LIN28B: variants seen among roughly 807,000 people sequenced by gnomAD.
The protein encoded by LIN28B is lin-28 RNA binding posttranscriptional regulator B.
A neutral mutation model predicts 21.9 loss-of-function variants in LIN28B; 5 were observed. The ratio of observed to expected loss-of-function variants is 0.23; its 90% CI spans 0.12 to 0.48. The LOEUF (loss-of-function observed/expected upper bound fraction) is 0.48. Among genes scored for constraint, LIN28B ranks in the 20% least tolerant of loss-of-function variants. The pLI, the probability that LIN28B is intolerant of heterozygous loss-of-function variation, is 0.98. For synonymous variants in LIN28B, 109 were observed against 111.3 expected, an observed-to-expected ratio of 0.98 and a Z score of 0.13; for missense variants, 245 against 310.5, an observed-to-expected ratio of 0.79 and a Z score of 1.58.
In LIN28B at chr6:104,950,409, G is replaced by A. The variant is rs1778207539; in HGVS notation, c.19-52G>A. The A allele has an allele frequency of 6.3e-6, 6 of 951,698 alleles. 1 individual carries two copies. The highest frequency in any genetic ancestry group is 7.5e-4 in the Middle Eastern group (2 of 2,676). The allele number at this position is 951,698 out of a possible 1,614,324, so 59.0% of individuals were successfully genotyped here. ...CTAATGGCCATTAGGATGAAGAAGA[G>A]GCAATTAAATAGGCAATTAATGTAG... On this transcript the variant is annotated intron_variant, in intron 2 of 5. Transcript: ENST00000635857.
chr6:105,065,833 A>G (rs921822744), intron 3 of LIN28B, among the ~76,000 whole-genome samples: 1 of 152,204 alleles, frequency 6.6e-6, no homozygotes, highest in Non-Finnish European at 1.5e-5. Flanking sequence ...TCAAAATGGA[A>G]AGATGATTAA....
chr6:105,028,919 C>T (rs1203824926), intron 3 of LIN28B, among the ~76,000 whole-genome samples: 1 of 152,044 alleles, frequency 6.6e-6, no homozygotes, highest in East Asian at 1.9e-4. Flanking sequence ...GAGGGAGGAA[C>T]AGCAAAGGGC....
At chr6:105,032,034 TA>T (rs1177316424) in intron 3 of LIN28B, among the ~76,000 whole-genome samples, 23 of 152,330 alleles carry the variant, frequency 1.5e-4, no homozygotes, top group African/African-American at 4.6e-4. Context: ...ATACAGTGTG[TA>T]ACATTTTGAA....
chr6:105,003,713 A>G (rs981617921), intron 2 of LIN28B, among the ~76,000 whole-genome samples: 1 of 151,872 alleles, frequency 6.6e-6, no homozygotes, highest in African/African-American at 2.4e-5. Flanking sequence ...GGATTTCACT[A>G]TATGTTAGCC....
At chr6:104,958,883 A>G (rs1030920101) in intron 2 of LIN28B, among the ~76,000 whole-genome samples, 1 of 152,172 alleles carries the variant, frequency 6.6e-6, no homozygotes, top group African/African-American at 2.4e-5. Context: ...TGCTTGATAA[A>G]CATTTTAGAA....
rs1050562317 is a variant in LIN28B, at chr6:105,080,544, G to A, written c.*1761G>A. 3.3e-5 allele frequency: 5 copies of A among 152,588 alleles called. No individual in the cohort carries two copies. The highest frequency in any genetic ancestry group is 1.2e-4 in the African/African-American group (5 of 41,424). 9.5% of individuals were successfully genotyped at this position (152,588 alleles called of 1,614,324 possible). The stretch of plus-strand genomic sequence containing the variant: ...ACAACTCAGCTTGAATTTCACAACA[G>A]TGATTGTGAGAATCTGCGTGGTATA... On this transcript the variant is annotated 3_prime_UTR_variant, in exon 4 of 4. Coordinates refer to ENST00000345080, the MANE Select transcript of LIN28B (RefSeq NM_001004317.4).
chr6:105,074,148 A>G (rs1410319893), intron 3 of LIN28B, among the ~76,000 whole-genome samples: 1 of 152,178 alleles, frequency 6.6e-6, no homozygotes, highest in African/African-American at 2.4e-5. Context: ...TTATTTATTT[A>G]ACCATCATAA....
rs564393908 is a variant in LIN28B, at chr6:105,047,605, G to A, written c.383+21123G>A. ...TGGCATTGAATCTATAAATTACCTT[G>A]GGCAGTATGGCCATTTTCACGATAT... On this transcript the variant is annotated intron_variant, in intron 3 of 3. Coordinates refer to ENST00000345080, the MANE Select transcript of LIN28B (RefSeq NM_001004317.4). 2.0e-5 allele frequency among the ~76,000 whole-genome samples: 3 copies of A among 152,178 alleles called. No individual in the cohort carries two copies. In the East Asian group the frequency reaches 5.8e-4, roughly 29 times the overall value.
At chr6:104,983,637 T>C (rs989763204) in intron 2 of LIN28B, among the ~76,000 whole-genome samples, 1 of 152,180 alleles carries the variant, frequency 6.6e-6, no homozygotes, top group African/African-American at 2.4e-5. Context: ...AGTGCAATGG[T>C]GCTATCTCGG....
At chr6:105,019,114 T>A (rs1009782735) in intron 2 of LIN28B, among the ~76,000 whole-genome samples, 2 of 151,872 alleles carry the variant, frequency 1.3e-5, no homozygotes, top group Non-Finnish European at 2.9e-5. Context: ...CCCAGCTAAT[T>A]TTTTTGTATT....
chr6:105,027,553 TAAA>T (rs1251848506), intron 3 of LIN28B, among the ~76,000 whole-genome samples: 1 of 151,938 alleles, frequency 6.6e-6, no homozygotes, highest in Non-Finnish European at 1.5e-5. Context: ...TCTTCTCAAA[TAAA>T]AAATAAGAAA....
At chr6:105,014,895 A>ATT (rs565708782) in intron 2 of LIN28B, among the ~76,000 whole-genome samples, 1 of 149,100 alleles carries the variant, frequency 6.7e-6, no homozygotes, top group Non-Finnish European at 1.5e-5. Context: ...ATTTCCCGTG[A>ATT]TTTTTTTTTT....
At position 105,080,050 on chromosome 6, in the gene LIN28B, T is replaced by C. The variant is rs1202143362; in HGVS notation, c.*1267T>C. 6.6e-6 allele frequency: 1 copy of C among 152,242 alleles called. No homozygotes were observed. The highest frequency in any genetic ancestry group is 2.4e-5 in the African/African-American group (1 of 41,454). 9.4% of individuals were successfully genotyped at this position (152,242 alleles called of 1,614,324 possible). On this transcript the variant is annotated 3_prime_UTR_variant, in exon 4 of 4. Coordinates refer to ENST00000345080, the MANE Select transcript of LIN28B (RefSeq NM_001004317.4). ...ATTTTATACAGTAACTTTGATCTTATGGAAGTGACCTTCAATGCTTATTCT... is the reference window on the plus strand; with the variant it reads ...ATTTTATACAGTAACTTTGATCTTACGGAAGTGACCTTCAATGCTTATTCT...
chr6:105,060,854 A>G (rs1169342267), intron 3 of LIN28B, among the ~76,000 whole-genome samples: 1 of 152,212 alleles, frequency 6.6e-6, no homozygotes, highest in South Asian at 2.1e-4. Context: ...ATTACAAGAA[A>G]ACATAAAAGT....
chr6:105,029,292 TG>T (rs938612064), intron 3 of LIN28B, among the ~76,000 whole-genome samples: 1 of 152,180 alleles, frequency 6.6e-6, no homozygotes, highest in African/African-American at 2.4e-5. Context: ...TTCATAGGAA[TG>T]GTCTAGTGCA....
At chr6:105,050,192 G>C (rs221608) in intron 3 of LIN28B, among the ~76,000 whole-genome samples, 112,077 of 152,012 alleles carry the variant, frequency 0.74, 43,459 homozygotes, top group Non-Finnish European at 0.86. Context: ...TTCAGGGCAG[G>C]CCTGGTGGTG....
Position 105,001,001 on chromosome 6 carries a change from A to G in LIN28B, c.199-25297A>G, listed in dbSNP as rs578236200. 3.1e-4 allele frequency among the ~76,000 whole-genome samples: 47 copies of G among 152,268 alleles called. 1 individual carries two copies. Among genetic ancestry groups the G allele is most frequent in the African/African-American group, 1.1e-3 (47 of 41,554 alleles). ...TGAAAACATATATATATTGACATTTATGTGTATATTTTATGTTATTTGTAT... is the reference window on the plus strand; with the variant it reads ...TGAAAACATATATATATTGACATTTGTGTGTATATTTTATGTTATTTGTAT... On this transcript the variant is annotated intron_variant, in intron 2 of 3. Transcript: ENST00000345080.
chr6:105,025,776 A>G (rs994452144), intron 2 of LIN28B, among the ~76,000 whole-genome samples: 1 of 152,050 alleles, frequency 6.6e-6, no homozygotes, highest in Non-Finnish European at 1.5e-5. Context: ...TTTTACATAG[A>G]TAGCATTATG....
chr6:105,066,091 T>G (rs1329841360), intron 3 of LIN28B, among the ~76,000 whole-genome samples: 1 of 152,176 alleles, frequency 6.6e-6, no homozygotes, highest in East Asian at 1.9e-4. Flanking sequence ...GAGGATTGCT[T>G]GAGCCCAGGA....
Sources: gnomAD v4.1 joint callset for allele counts (sites outside exome capture counted in the v4.1 genomes callset) on GRCh38, gnomAD v4.1.1 for gene constraint, MANE v1.5 for transcripts, NCBI Gene and HGNC (gene_info 2026-07-23, HGNC 2026-07-21) for gene names.